GNAO1: variants seen among roughly 807,000 people sequenced by gnomAD.
GNAO1 encodes guanine nucleotide-binding protein G(o) subunit alpha.
For synonymous variants in GNAO1, 164 were observed against 180.7 expected, an observed-to-expected ratio of 0.91 and a Z score of 0.74; for missense variants, 166 against 478.7, an observed-to-expected ratio of 0.35 and a Z score of 6.10.
intron 3 of GNAO1, among the ~76,000 whole-genome samples, chr16:56,281,512 C>A (rs2037114204): frequency 1.3e-5 from 2 of 151,554 alleles, no homozygotes; most frequent in African/African-American, 4.8e-5. Flanking sequence ...TCTCCCTTTC[C>A]CCTCCCCTTC....
At chr16:56,236,039 T>C (rs375551690) in intron 2 of GNAO1, among the ~76,000 whole-genome samples, 1 of 152,206 alleles carries the variant, frequency 6.6e-6, no homozygotes, top group African/African-American at 2.4e-5. Context: ...AGAAGCTGGG[T>C]ACCAGGTCTC....
intron 3 of GNAO1, among the ~76,000 whole-genome samples, chr16:56,288,994 T>C (rs2037202262): frequency 6.6e-6 from 1 of 150,814 alleles, no homozygotes; most frequent in African/African-American, 2.4e-5. Context: ...TAAGTTTAGG[T>C]GATTGCCAAG....
Position 56,336,711 on chromosome 16 carries a change from C to T in GNAO1, c.594-20C>T. On this transcript the variant is annotated intron_variant, in intron 5 of 8. Coordinates refer to ENST00000262493, the MANE Select transcript of GNAO1 (RefSeq NM_020988.3). ...TCACCTGCCTGGACCCTGCGCCTAC[C>T]AGCTCCCTGCCTCCTACAGGCTGTT... The T allele has an allele frequency of 6.2e-7, 1 of 1,600,058 alleles. No individual in the cohort carries two copies. Among genetic ancestry groups the T allele is most frequent in the South Asian group, 1.1e-5 (1 of 88,874 alleles).
intron 2 of GNAO1, among the ~76,000 whole-genome samples, chr16:56,236,264 A>G (rs893874994): frequency 6.6e-6 from 1 of 152,224 alleles, no homozygotes; most frequent in Non-Finnish European, 1.5e-5. Context: ...TGAGTTTCAT[A>G]GTAGATGTGT....
intron 2 of GNAO1, chr16:56,193,684 C>T: frequency 4.9e-6 from 1 of 202,214 alleles, no homozygotes; most frequent in Non-Finnish European, 1.0e-5. Context: ...CTTGCCCTAT[C>T]CACTCGGCAG....
At chr16:56,271,372 A>G (rs1243745215) in intron 2 of GNAO1, among the ~76,000 whole-genome samples, 3 of 152,260 alleles carry the variant, frequency 2.0e-5, no homozygotes, top group African/African-American at 7.2e-5. Context: ...ACCCTCAAAC[A>G]TGAGCTGCAA....
At chr16:56,337,947 C>T (rs2037759183) in intron 6 of GNAO1, among the ~76,000 whole-genome samples, 1 of 152,194 alleles carries the variant, frequency 6.6e-6, no homozygotes, top group Non-Finnish European at 1.5e-5. Flanking sequence ...AAATCCCCCA[C>T]CCCACGCCTC....
chr16:56,283,334 G>A (rs2037132277), intron 3 of GNAO1, among the ~76,000 whole-genome samples: 1 of 152,178 alleles, frequency 6.6e-6, no homozygotes, highest in African/African-American at 2.4e-5. Flanking sequence ...AGGAAAGATG[G>A]GTGCCAGCTG....
chr16:56,256,366 T>G (rs2036846201), intron 2 of GNAO1, among the ~76,000 whole-genome samples: 1 of 152,164 alleles, frequency 6.6e-6, no homozygotes, highest in African/African-American at 2.4e-5. Context: ...ACGTGCCAAA[T>G]TCCACCCACA....
chr16:56,211,572 C>T (rs553861937), intron 2 of GNAO1, among the ~76,000 whole-genome samples: 1 of 152,308 alleles, frequency 6.6e-6, no homozygotes, highest in South Asian at 2.1e-4. Context: ...TCAGTCTCCA[C>T]CCCTGCCCTT....
At position 56,348,359 on chromosome 16, in the gene GNAO1, G is replaced by A. The variant is rs565762639; in HGVS notation, c.724-3025G>A. Among the ~76,000 whole-genome samples the A allele has an allele frequency of 3.5e-4, 53 of 152,246 alleles. No individual in the cohort carries two copies. In the East Asian group the frequency reaches 5.1e-3, roughly 15 times the overall value. ...GGACAGAGGATCAGGGCGACTGGGCGCCCTGCCCCCCTGTCAGGATCGCCA... is the reference window on the plus strand; with the variant it reads ...GGACAGAGGATCAGGGCGACTGGGCACCCTGCCCCCCTGTCAGGATCGCCA... On this transcript the variant is annotated intron_variant, in intron 6 of 8. Transcript: ENST00000262493.
chr16:56,309,791 G>A (rs185263147), intron 3 of GNAO1, among the ~76,000 whole-genome samples: 55 of 128,362 alleles, frequency 4.3e-4, no homozygotes, highest in African/African-American at 1.2e-3. Flanking sequence ...GTGCAGCAGT[G>A]CCTGCTGTGC....
chr16:56,194,611 C>T (rs1053827093), intron 2 of GNAO1: 14 of 194,578 alleles, frequency 7.2e-5, no homozygotes, highest in Non-Finnish European at 4.4e-5. Flanking sequence ...AGTCGGTGCT[C>T]CGGCGGAGAG....
chr16:56,305,772 G>A (rs2037388980), intron 3 of GNAO1, among the ~76,000 whole-genome samples: 1 of 152,150 alleles, frequency 6.6e-6, no homozygotes, highest in South Asian at 2.1e-4. Flanking sequence ...CAGGGTGCTG[G>A]CAGGGTTGGT....
At chr16:56,315,223 C>T (rs754671080) in intron 3 of GNAO1, among the ~76,000 whole-genome samples, 3 of 152,188 alleles carry the variant, frequency 2.0e-5, no homozygotes, top group Admixed American at 6.5e-5. Context: ...GTCTCCCAGC[C>T]GAGGCGGCTG....
chr16:56,302,734 C>T (rs1474602211), intron 3 of GNAO1: 6 of 152,228 alleles, frequency 3.9e-5, no homozygotes, highest in African/African-American at 1.4e-4. Context: ...CCCGCCAGCC[C>T]CTGGCTGCTA....
chr16:56,284,855 G>A (rs1156643387), intron 3 of GNAO1, among the ~76,000 whole-genome samples: 1 of 152,230 alleles, frequency 6.6e-6, no homozygotes, highest in African/African-American at 2.4e-5. Context: ...GGGAAGAAAG[G>A]ATGAAAGATG....
At chr16:56,332,666 G>A (rs542163691) in intron 4 of GNAO1, among the ~76,000 whole-genome samples, 3 of 152,254 alleles carry the variant, frequency 2.0e-5, no homozygotes, top group Admixed American at 1.3e-4. Flanking sequence ...CAGCCTTCCC[G>A]ACTGGGTTGT....
chr16:56,347,857 T>C (rs1455217624), intron 6 of GNAO1: 11 of 976,482 alleles, frequency 1.1e-5, no homozygotes, highest in Non-Finnish European at 1.3e-5. Flanking sequence ...CCCTCCTGCC[T>C]CCTGGTCTTC....
Sources: gnomAD v4.1 joint callset for allele counts (sites outside exome capture counted in the v4.1 genomes callset) on GRCh38, gnomAD v4.1.1 for gene constraint, MANE v1.5 for transcripts, NCBI Gene and HGNC (gene_info 2026-07-23, HGNC 2026-07-21) for gene names.